Variants in SLC30A7 observed in about 807,000 individuals in gnomAD.
SLC30A7 encodes zinc transporter 7.
Under a neutral mutation model 46.0 loss-of-function variants are expected in SLC30A7, and 35 were observed. The ratio of observed to expected loss-of-function variants is 0.76; its 90% CI spans 0.58 to 1.01. SLC30A7 has a LOEUF of 1.01. Ranked by LOEUF, SLC30A7 falls within the 50% of genes least tolerant of loss-of-function variation. The pLI, the probability that SLC30A7 is intolerant of heterozygous loss-of-function variation, is 0.00. For missense variants in SLC30A7, 464 were observed against 451.1 expected (o/e 1.03, Z -0.26); for synonymous variants, 147 against 157.8 (o/e 0.93, Z 0.51).
intron 8 of SLC30A7, among the ~76,000 whole-genome samples, chr1:100,930,787 G>A (rs561803874): frequency 6.6e-6 from 1 of 152,094 alleles, no homozygotes; most frequent in East Asian, 1.9e-4. Context: ...TGCCCATATT[G>A]TAAAATTGAA....
Position 100,906,960 on chromosome 1 carries a change from C to G in SLC30A7, c.291C>G (p.Ser97=), listed in dbSNP as rs751850021. 10 of 1,601,712 alleles carry G rather than the reference C, an allele frequency of 6.2e-6. No homozygotes were observed. The South Asian group carries it at 9.9e-5, about 16-fold the overall frequency. ...ISKWRDNDAF[S]YGYVRAEVLA... Reference sequence around the variant, plus strand: ...AATGGAGAGATAATGATGCTTTCTCCTATGGGTAAGACTTTAAGAAAAAAA... The same window carrying G: ...AATGGAGAGATAATGATGCTTTCTCGTATGGGTAAGACTTTAAGAAAAAAA... The change falls in exon 3 of 11, where the codon TCC becomes TCG. Residue 97 remains serine, a synonymous_variant. Transcript: ENST00000357650.
chr1:100,916,562 T>A (rs982557219), intron 6 of SLC30A7, among the ~76,000 whole-genome samples: 2 of 152,194 alleles, frequency 1.3e-5, no homozygotes, highest in Non-Finnish European at 2.9e-5. Flanking sequence ...ATCATGGAGA[T>A]GAGGTATCCT....
chr1:100,962,658 G>T (rs1217301974), intron 9 of SLC30A7, among the ~76,000 whole-genome samples: 2 of 152,198 alleles, frequency 1.3e-5, no homozygotes, highest in African/African-American at 4.8e-5. Context: ...TTGGGTCATA[G>T]ATTTAGATTT....
intron 3 of SLC30A7, among the ~76,000 whole-genome samples, chr1:100,910,470 G>A (rs567117078): frequency 6.6e-6 from 1 of 152,162 alleles, no homozygotes; most frequent in Admixed American, 6.5e-5. Context: ...TCTAAAAATA[G>A]GTAATTGAAA....
At chr1:100,898,372 T>C (rs934651488) in intron 2 of SLC30A7, among the ~76,000 whole-genome samples, 1 of 152,206 alleles carries the variant, frequency 6.6e-6, no homozygotes, top group Non-Finnish European at 1.5e-5. Flanking sequence ...TTTAAGTCAG[T>C]ATGCATCAGT....
At chr1:100,974,339 T>G (rs1656335610) in intron 10 of SLC30A7, among the ~76,000 whole-genome samples, 1 of 152,146 alleles carries the variant, frequency 6.6e-6, no homozygotes, top group South Asian at 2.1e-4. Context: ...GGGGAGAATT[T>G]AGAGAGCAGT....
intron 2 of SLC30A7, among the ~76,000 whole-genome samples, chr1:100,903,679 T>G (rs1281857404): frequency 6.6e-6 from 1 of 152,188 alleles, no homozygotes; most frequent in Non-Finnish European, 1.5e-5. Context: ...GTTTAAGACA[T>G]TTTCTAAAAT....
intron 9 of SLC30A7, among the ~76,000 whole-genome samples, chr1:100,964,792 C>G (rs1655779091): frequency 1.3e-5 from 2 of 152,048 alleles, no homozygotes; most frequent in South Asian, 4.2e-4. Flanking sequence ...CATGAGGATG[C>G]CATGTAGAAA....
At chr1:100,920,029 TTATG>T (rs1474435882) in intron 7 of SLC30A7, among the ~76,000 whole-genome samples, 3 of 152,172 alleles carry the variant, frequency 2.0e-5, no homozygotes, top group Non-Finnish European at 4.4e-5. Flanking sequence ...CTTAAACAGT[TTATG>T]TAGTAAGAAG....
intron 8 of SLC30A7, among the ~76,000 whole-genome samples, chr1:100,957,507 G>A (rs945741105): frequency 6.6e-6 from 1 of 152,032 alleles, no homozygotes; most frequent in Non-Finnish European, 1.5e-5. Flanking sequence ...GAAAGAAATT[G>A]CCTGGATGTT....
intron 8 of SLC30A7, chr1:100,941,057 T>A (rs1191045814): frequency 6.1e-6 from 2 of 325,238 alleles, no homozygotes; most frequent in African/African-American, 2.2e-5. Context: ...CTATTGGAAC[T>A]GCCACAGCCA....
intron 6 of SLC30A7, among the ~76,000 whole-genome samples, chr1:100,916,810 T>C (rs1652593042): frequency 6.6e-6 from 1 of 150,798 alleles, no homozygotes; most frequent in African/African-American, 2.4e-5. Context: ...TCTGCTTCCA[T>C]GAGTTTAATT....
chr1:100,916,345 C>G (rs1219078995), intron 6 of SLC30A7, among the ~76,000 whole-genome samples: 1 of 152,040 alleles, frequency 6.6e-6, no homozygotes, highest in African/African-American at 2.4e-5. Flanking sequence ...GCCACCACAC[C>G]CAGCTAACTT....
At chr1:100,943,318 A>G (rs191614913) in intron 8 of SLC30A7, among the ~76,000 whole-genome samples, 1 of 152,330 alleles carries the variant, frequency 6.6e-6, no homozygotes, top group East Asian at 1.9e-4. Context: ...AGCGTATTAT[A>G]AAGGACATAA....
At position 100,961,722 on chromosome 1, in the gene SLC30A7, C is replaced by T. The variant is rs187159487; in HGVS notation, c.843-106C>T. The T allele has an allele frequency of 9.7e-4, 511 of 526,808 alleles. 2 individuals carry two copies. The highest frequency in any genetic ancestry group is 9.2e-3 in the African/African-American group (470 of 51,276). 32.6% of individuals were successfully genotyped at this position (526,808 alleles called of 1,614,324 possible). A position where few individuals can be genotyped will look rare whatever the true frequency, so the allele number is the denominator to read the frequency against. ...TGATTGTTTTTTCTCATATTATTCC[C>T]GTAAGTCCTATTATATTCTACCGTA... On this transcript the variant is annotated intron_variant, in intron 8 of 10. Transcript: ENST00000357650.
intron 9 of SLC30A7, among the ~76,000 whole-genome samples, chr1:100,962,549 A>G (rs925948642): frequency 2.6e-5 from 4 of 152,234 alleles, no homozygotes; most frequent in African/African-American, 9.6e-5. Context: ...TGTTTGAAGA[A>G]CAGAATAAAA....
At chr1:100,988,331 C>A in the SLC30A7 span, among the ~76,000 whole-genome samples, 1 of 152,272 alleles carries the variant, frequency 6.6e-6, no homozygotes, top group South Asian at 2.1e-4. Context: ...TAGTTCACAG[C>A]TGGTTTCAGT....
intron 8 of SLC30A7, among the ~76,000 whole-genome samples, chr1:100,948,675 T>G (rs1225208764): frequency 1.3e-5 from 2 of 152,378 alleles, no homozygotes; most frequent in East Asian, 1.9e-4. Context: ...CACTTTCAGG[T>G]ATACTAGTCA....
At chr1:100,952,421 G>A (rs1045985424) in intron 8 of SLC30A7, among the ~76,000 whole-genome samples, 3 of 152,072 alleles carry the variant, frequency 2.0e-5, no homozygotes, top group Non-Finnish European at 2.9e-5. Context: ...CTTGAACAGC[G>A]CCTGCCACAC....
Sources: allele counts gnomAD v4.1 joint callset (sites outside exome capture counted in the v4.1 genomes callset), GRCh38; gene constraint gnomAD v4.1.1; transcripts MANE v1.5; gene names NCBI Gene and HGNC (gene_info 2026-07-23, HGNC 2026-07-21).